Variants in DCAF13 observed in about 807,000 individuals in gnomAD.
DCAF13 encodes the protein DDB1 and CUL4 associated factor 13.
A neutral mutation model predicts 59.0 loss-of-function variants in DCAF13; 38 were observed. The observed-to-expected ratio is 0.64, with a 90% CI of 0.50 to 0.84. The LOEUF (loss-of-function observed/expected upper bound fraction) is 0.84, where lower values mean the gene tolerates loss of function less well. Ranked by LOEUF, DCAF13 falls within the 40% of genes least tolerant of loss-of-function variation. DCAF13 has a pLI of 0.00. For missense variants in DCAF13, 469 were observed against 558.4 expected (o/e 0.84, Z 1.61); for synonymous variants, 173 against 175.0 (o/e 0.99, Z 0.09).
At chr8:103,435,552 C>G in intron 7 of DCAF13, 74 bp from the exon 8 acceptor site, 1 of 1,235,392 alleles carries the variant, frequency 8.1e-7, no homozygotes, top group Non-Finnish European at 1.1e-6. Flanking sequence ...TTCTTGTTTT[C>G]AGTGGTATCT....
chr8:103,415,994 T>G (rs1314677101), intron 1 of DCAF13, among the ~76,000 whole-genome samples: 1 of 152,252 alleles, frequency 6.6e-6, no homozygotes, highest in African/African-American at 2.4e-5. Flanking sequence ...AGAAGTTTGA[T>G]GAAAGAATGG....
chr8:103,417,732 A>T (rs997748051), intron 1 of DCAF13, among the ~76,000 whole-genome samples: 1 of 151,920 alleles, frequency 6.6e-6, no homozygotes, highest in Non-Finnish European at 1.5e-5. Context: ...AAACTCTGTT[A>T]TTAATGGGGC....
At chr8:103,440,371 G>A in intron 9 of DCAF13, 100 bp downstream of exon 9, 1 of 1,080,980 alleles carries the variant, frequency 9.3e-7, no homozygotes, top group Non-Finnish European at 1.3e-6. Flanking sequence ...TGGGTATTTT[G>A]ATTAAATTGA....
intron 8 of DCAF13, 78 bp from the exon 9 acceptor site, chr8:103,440,058 C>G: frequency 8.5e-7 from 1 of 1,178,124 alleles, no homozygotes; most frequent in Admixed American, 2.8e-5. Flanking sequence ...GAAATAGTAT[C>G]CTGATACTTA....
At chr8:103,437,682 T>G (rs1395363783) in intron 8 of DCAF13, among the ~76,000 whole-genome samples, 1 of 152,088 alleles carries the variant, frequency 6.6e-6, no homozygotes. Context: ...TGTGGTTTGT[T>G]TCCTATCATT....
At chr8:103,419,044 C>T (rs910651812) in intron 1 of DCAF13, among the ~76,000 whole-genome samples, 2 of 150,552 alleles carry the variant, frequency 1.3e-5, no homozygotes, top group Middle Eastern at 3.2e-3. Context: ...CCACCCCCAC[C>T]GCTGGCTAAC....
intron 7 of DCAF13, 77 bp downstream of exon 7, chr8:103,432,818 T>C (rs920244060): frequency 1.1e-5 from 10 of 887,800 alleles, no homozygotes; most frequent in Middle Eastern, 2.8e-4. Flanking sequence ...TAATAAAATA[T>C]ATACCACTAG....
At chr8:103,438,376 A>G (rs989340377) in intron 8 of DCAF13, among the ~76,000 whole-genome samples, 2 of 151,972 alleles carry the variant, frequency 1.3e-5, no homozygotes, top group Non-Finnish European at 2.9e-5. Context: ...AAACATACCT[A>G]TCAGAAACAG....
At position 103,441,638 on chromosome 8, in the gene DCAF13, A is replaced by C. The variant is rs778515435; in HGVS notation, c.1250+20A>C. ...ACGAAAGTATGTTTTGAGGCATTTG[A>C]CTCTATTACCCTTTTCTGACTTCTG... On this transcript the variant is annotated intron_variant, in intron 10 of 10. Transcript: ENST00000612750. 3 of 1,607,352 alleles carry C rather than the reference A, an allele frequency of 1.9e-6. No homozygotes were observed. The highest frequency in any genetic ancestry group is 2.5e-6 in the Non-Finnish European group (3 of 1,177,960).
At chr8:103,424,594 C>T (rs1394067472) in intron 3 of DCAF13, among the ~76,000 whole-genome samples, 1 of 152,176 alleles carries the variant, frequency 6.6e-6, no homozygotes, top group African/African-American at 2.4e-5. Flanking sequence ...GAAAACCCTT[C>T]CCAGAATTGG....
At chr8:103,420,698 T>A in intron 2 of DCAF13, 1 of 585,128 alleles carries the variant, frequency 1.7e-6, no homozygotes, top group Admixed American at 3.4e-5. Context: ...ATAATTAAAG[T>A]ATTTAAGTAT....
chr8:103,416,392 G>T (rs1816613294), intron 1 of DCAF13, among the ~76,000 whole-genome samples: 1 of 152,198 alleles, frequency 6.6e-6, no homozygotes, highest in Non-Finnish European at 1.5e-5. Flanking sequence ...ATTTGGCATC[G>T]TTCCCAGTCC....
intron 3 of DCAF13, 61 bp downstream of exon 3, chr8:103,421,143 A>G: frequency 8.6e-7 from 1 of 1,158,828 alleles, no homozygotes. Flanking sequence ...AATCTAATTG[A>G]ATACATTTTT....
chr8:103,431,632 G>A (rs1419410639), intron 6 of DCAF13, among the ~76,000 whole-genome samples: 1 of 152,152 alleles, frequency 6.6e-6, no homozygotes, highest in Non-Finnish European at 1.5e-5. Context: ...CCTAAAATGT[G>A]TTTCTCCTGT....
chr8:103,430,059 ATTACAAATTAGAACACAG>A (rs1816842110), intron 5 of DCAF13: 1 of 152,224 alleles, frequency 6.6e-6, no homozygotes, highest in Admixed American at 6.5e-5. Flanking sequence ...AATATGTTTT[ATTACAAATTAGAACACAG>A]TAATATCTGT....
chr8:103,430,608 T>A lies in DCAF13; in HGVS notation c.625-4T>A, dbSNP rs1171620499. ...GAACTGGTGATTGTTATACTTGTTT[T>A]TAGACATTTCTCTTGGGAAGTTGTG... On this transcript the variant is annotated splice_region_variant and splice_polypyrimidine_tract_variant and intron_variant, in intron 5 of 10. Transcript: ENST00000612750. 6 of 1,609,934 alleles carry A rather than the reference T, an allele frequency of 3.7e-6. No individual in the cohort carries two copies. The highest frequency in any genetic ancestry group is 5.1e-6 in the Non-Finnish European group (6 of 1,177,442).
At chr8:103,417,582 C>T (rs538942563) in intron 1 of DCAF13, among the ~76,000 whole-genome samples, 5 of 144,666 alleles carry the variant, frequency 3.5e-5, no homozygotes, top group Non-Finnish European at 7.4e-5. Flanking sequence ...GCAGAGCTTG[C>T]AGTGAGCCGA....
chr8:103,441,478 C>T lies in DCAF13; in HGVS notation c.1110C>T (p.Ala370=), dbSNP rs369354703. 4.3e-5 allele frequency: 69 copies of T among 1,588,330 alleles called. No homozygotes were observed. Among genetic ancestry groups the T allele is most frequent in the Non-Finnish European group, 5.9e-5 (69 of 1,173,154 alleles). Residue 370 remains alanine (A), a synonymous_variant, in exon 10 of 11, where the codon GCC becomes GCT. Coordinates refer to ENST00000612750, the MANE Select transcript of DCAF13 (RefSeq NM_015420.7). ...AGCTTACATCACGAGAAAAAGCAGC[C>T]AAGGATTATAACCAGAAATTGAAGG... ...LGVLTSREKA[A]KDYNQKLKEK...
At chr8:103,439,077 G>T (rs1052475391) in intron 8 of DCAF13, among the ~76,000 whole-genome samples, 19 of 151,912 alleles carry the variant, frequency 1.3e-4, no homozygotes, top group Non-Finnish European at 2.4e-4. Context: ...GCACGATCTC[G>T]GCTCACTGCA....
Sources: allele counts gnomAD v4.1 joint callset (sites outside exome capture counted in the v4.1 genomes callset), GRCh38; gene constraint gnomAD v4.1.1; transcripts MANE v1.5; gene names NCBI Gene and HGNC (gene_info 2026-07-23, HGNC 2026-07-21).